Variants in ALMS1 observed in about 807,000 individuals in gnomAD.
The protein encoded by ALMS1 is centrosome-associated protein ALMS1.
Under a neutral mutation model 352.2 loss-of-function variants are expected in ALMS1, and 271 were observed. The observed-to-expected ratio is 0.77, with a 90% CI of 0.70 to 0.85. The LOEUF (loss-of-function observed/expected upper bound fraction) is 0.85. Among genes scored for constraint, ALMS1 ranks in the 40% least tolerant of loss-of-function variants. The probability of loss-of-function intolerance (pLI) is 0.00; values close to 1 mark genes in which losing one functional copy is unlikely to be tolerated. For missense variants in ALMS1, 5,445 were observed against 4,870.7 expected (o/e 1.12, Z -3.51); for synonymous variants, 1,865 against 1,761.2 (o/e 1.06, Z -1.48).
chr2:73,435,540 CT>C (rs34522616), intron 7 of ALMS1, among the ~76,000 whole-genome samples: 1 of 149,746 alleles, frequency 6.7e-6, no homozygotes, highest in African/African-American at 2.5e-5. Flanking sequence ...TCTATTCCCT[CT>C]TTTTTTTTGG....
chr2:73,491,606 A>G, intron 10 of ALMS1, 108 bp downstream of exon 10: 1 of 1,221,534 alleles, frequency 8.2e-7, no homozygotes. Flanking sequence ...GATTTCTCTG[A>G]GTGGAGGTTG....
chr2:73,490,191 A>T lies in ALMS1; in HGVS notation c.8232A>T (p.Gly2744=). ...TTACTGAAGGTAGCCAGTGTACTGG[A>T]GCATCTGTGGGGGTATTTAATTCTC... The part of the protein sequence containing the change: ...VGVTEGSQCT[G]ASVGVFNSHF... Residue 2744 remains glycine, a synonymous_variant, in exon 10 of 23, where the codon GGA becomes GGT. Coordinates refer to ENST00000613296, the MANE Select transcript of ALMS1 (RefSeq NM_001378454.1). 6.2e-7 allele frequency: 1 copy of T among 1,614,174 alleles called. No homozygotes were observed.
intron 11 of ALMS1, among the ~76,000 whole-genome samples, chr2:73,534,292 T>C (rs1177543877): frequency 6.6e-6 from 1 of 152,152 alleles, no homozygotes; most frequent in Non-Finnish European, 1.5e-5. Flanking sequence ...ATTCATACTC[T>C]TGCAGTGGAA....
intron 12 of ALMS1, among the ~76,000 whole-genome samples, chr2:73,540,531 C>T (rs1389207704): frequency 1.3e-5 from 2 of 152,134 alleles, no homozygotes; most frequent in African/African-American, 2.4e-5. Flanking sequence ...CAATATTAAT[C>T]TTAAATGTAA....
chr2:73,567,405 G>A (rs530120095), intron 15 of ALMS1, among the ~76,000 whole-genome samples: 2 of 152,216 alleles, frequency 1.3e-5, no homozygotes, highest in Admixed American at 6.5e-5. Context: ...CTGTTATCCC[G>A]TTTTCCTAAA....
intron 9 of ALMS1, among the ~76,000 whole-genome samples, chr2:73,486,561 A>C (rs1672852376): frequency 6.6e-6 from 1 of 152,184 alleles, no homozygotes; most frequent in African/African-American, 2.4e-5. Flanking sequence ...GTTCCTGGGT[A>C]GCTGACTTCT....
chr2:73,570,559 C>G (rs1017042463), intron 15 of ALMS1, among the ~76,000 whole-genome samples: 1 of 151,950 alleles, frequency 6.6e-6, no homozygotes, highest in Non-Finnish European at 1.5e-5. Context: ...TGAAGAGGAG[C>G]AGAGAAGTGG....
chr2:73,388,639 G>A (rs1670586216), intron 1 of ALMS1, among the ~76,000 whole-genome samples: 1 of 152,178 alleles, frequency 6.6e-6, no homozygotes, highest in African/African-American at 2.4e-5. Context: ...TTGCTGCAAA[G>A]GACAGGATTT....
chr2:73,592,171 G>T (rs562631367), intron 16 of ALMS1, among the ~76,000 whole-genome samples: 1 of 152,240 alleles, frequency 6.6e-6, no homozygotes, highest in South Asian at 2.1e-4. Flanking sequence ...AACCTGTTAT[G>T]CAGGCACAGT....
intron 12 of ALMS1, among the ~76,000 whole-genome samples, chr2:73,536,939 G>A (rs925102930): frequency 6.6e-6 from 1 of 152,220 alleles, no homozygotes; most frequent in African/African-American, 2.4e-5. Flanking sequence ...CCTCAGCTCA[G>A]TGATAGCCTT....
At chr2:73,462,589 C>G (rs536802307) in intron 9 of ALMS1, among the ~76,000 whole-genome samples, 1 of 152,270 alleles carries the variant, frequency 6.6e-6, no homozygotes, top group South Asian at 2.1e-4. Context: ...ATGACAGGAC[C>G]ACATTCACAC....
intron 3 of ALMS1, 67 bp downstream of exon 3, chr2:73,419,385 C>G: frequency 6.8e-7 from 1 of 1,480,248 alleles, no homozygotes; most frequent in Non-Finnish European, 9.4e-7. Flanking sequence ...GACTGCAAGT[C>G]TTGTAACTTT....
rs760326078 is a variant in ALMS1, at chr2:73,448,196, A to G, written c.1669A>G (p.Ile557Val). 2.5e-6 allele frequency: 4 copies of G among 1,614,022 alleles called. No homozygotes were observed. Among genetic ancestry groups the G allele is most frequent in the African/African-American group, 1.3e-5 (1 of 75,052 alleles). The part of the protein sequence containing the change: ...LTEETLKVTA[I>V]PEPADQKTAT... ...TGAAGAGACTCTGAAAGTCACAGCT[A>G]TTCCTGAACCAGCTGACCAGAAGAC... The change falls in exon 8 of 23, where the codon ATT becomes GTT. Residue 557 changes from isoleucine to valine, a missense_variant. Coordinates refer to ENST00000613296, the MANE Select transcript of ALMS1 (RefSeq NM_001378454.1).
intron 10 of ALMS1, among the ~76,000 whole-genome samples, chr2:73,516,097 A>G (rs1266594957): frequency 1.3e-5 from 2 of 152,166 alleles, no homozygotes; most frequent in African/African-American, 4.8e-5. Flanking sequence ...AAGCAGTTCA[A>G]CAAGCAAAGA....
At chr2:73,552,051 AT>A (rs1674448073) in intron 13 of ALMS1, among the ~76,000 whole-genome samples, 1 of 151,818 alleles carries the variant, frequency 6.6e-6, no homozygotes, top group Non-Finnish European at 1.5e-5. Flanking sequence ...GGTTTTTTTT[AT>A]TTTATTTTAT....
At chr2:73,517,514 C>T (rs1005070877) in intron 10 of ALMS1, among the ~76,000 whole-genome samples, 1 of 151,980 alleles carries the variant, frequency 6.6e-6, no homozygotes, top group African/African-American at 2.4e-5. Context: ...TCCCAAAGAA[C>T]TGGGATCACA....
intron 12 of ALMS1, among the ~76,000 whole-genome samples, chr2:73,538,626 C>T (rs1674085763): frequency 6.6e-6 from 1 of 152,164 alleles, no homozygotes; most frequent in African/African-American, 2.4e-5. Flanking sequence ...ATGGAATTCC[C>T]TTTGCTAGCC....
At chr2:73,517,821 C>T (rs185971385) in intron 10 of ALMS1, among the ~76,000 whole-genome samples, 2 of 152,128 alleles carry the variant, frequency 1.3e-5, no homozygotes, top group Admixed American at 6.5e-5. Flanking sequence ...CCACGCCTGG[C>T]TAATTTTTGT....
In ALMS1 at chr2:73,572,443, T is replaced by G. The variant is rs778554206; in HGVS notation, c.10566T>G (p.His3522Gln). The G allele has an allele frequency of 1.9e-6, 3 of 1,613,900 alleles. No individual in the cohort carries two copies. Among genetic ancestry groups the G allele is most frequent in the Admixed American group, 3.3e-5 (2 of 59,970 alleles). Residue 3522 changes from histidine to glutamine, a missense_variant, in exon 16 of 23, where the codon CAT (histidine) becomes CAG (glutamine). His to Gln is a conservative substitution (Grantham distance 24). Transcript: ENST00000613296. ...TCTTTCAGCATCATCCAGACAAACA[T>G]AGAGAACACATGTGTCTTCCTCTTC... ...KDFFQHHPDK[H>Q]REHMCLPLPY... is the part of the protein sequence containing the mutation.
Sources: gnomAD v4.1 joint callset for allele counts (sites outside exome capture counted in the v4.1 genomes callset) on GRCh38, gnomAD v4.1.1 for gene constraint, MANE v1.5 for transcripts, NCBI Gene and HGNC (gene_info 2026-07-23, HGNC 2026-07-21) for gene names.